Variants in GULP1 observed in about 807,000 individuals in gnomAD.
The protein encoded by GULP1 is PTB domain-containing engulfment adapter protein 1.
Under a neutral mutation model 40.9 loss-of-function variants are expected in GULP1, and 19 were observed. That is an observed-to-expected ratio of 0.46 (90% CI 0.32 to 0.68). The LOEUF (loss-of-function observed/expected upper bound fraction) is 0.68, where lower values mean the gene tolerates loss of function less well. Ranked by LOEUF, GULP1 falls within the 30% of genes least tolerant of loss-of-function variation. The pLI, the probability that GULP1 is intolerant of heterozygous loss-of-function variation, is 0.03. For missense variants in GULP1, 312 were observed against 362.2 expected, an observed-to-expected ratio of 0.86 and a Z score of 1.12; for synonymous variants, 119 against 117.6, an observed-to-expected ratio of 1.01 and a Z score of -0.08.
chr2:188,595,420 TTG>T lies in GULP1; in HGVS notation c.*1415_*1416del, dbSNP rs1464985196. 1 of 152,144 alleles carries T rather than the reference TTG, an allele frequency of 6.6e-6. No individual in the cohort carries two copies. The highest frequency in any genetic ancestry group is 1.5e-5 in the Non-Finnish European group (1 of 67,728). The allele number at this position is 152,144 out of a possible 1,614,324, so 9.4% of individuals were successfully genotyped here. ...TCAAATATGCTTATGCAATATATAT[TTG>T]TGTGTTTTTCCTTAATGTTATATGG... On this transcript the variant is annotated 3_prime_UTR_variant, in exon 12 of 12. Transcript: ENST00000409830.
chr2:188,347,282 C>T (rs888893341), intron 1 of GULP1, among the ~76,000 whole-genome samples: 7 of 152,122 alleles, frequency 4.6e-5, no homozygotes, highest in Admixed American at 2.0e-4. Context: ...GTGTATGTGA[C>T]AGGTAAGTGA....
intron 1 of GULP1, among the ~76,000 whole-genome samples, chr2:188,309,684 A>C (rs1380083032): frequency 6.6e-6 from 1 of 152,136 alleles, no homozygotes; most frequent in African/African-American, 2.4e-5. Flanking sequence ...AGAGAAAAAA[A>C]ATTTTAAGTC....
At chr2:188,559,360 G>A (rs1695651111) in intron 7 of GULP1, among the ~76,000 whole-genome samples, 1 of 152,170 alleles carries the variant, frequency 6.6e-6, no homozygotes. Context: ...GTCAATAATT[G>A]GGGTTTGAGA....
At chr2:188,393,636 T>C (rs1354587624) in intron 2 of GULP1, among the ~76,000 whole-genome samples, 2 of 152,144 alleles carry the variant, frequency 1.3e-5, no homozygotes, top group Non-Finnish European at 1.5e-5. Context: ...CTAGATACTT[T>C]GTTTTCTTCT....
chr2:188,379,650 C>G (rs12989233), intron 1 of GULP1, among the ~76,000 whole-genome samples: 1 of 152,182 alleles, frequency 6.6e-6, no homozygotes, highest in Non-Finnish European at 1.5e-5. Context: ...CCTGTTTAAT[C>G]ATACTTCCAT....
intron 1 of GULP1, among the ~76,000 whole-genome samples, chr2:188,373,898 A>T (rs925586982): frequency 2.0e-5 from 3 of 152,040 alleles, no homozygotes; most frequent in Admixed American, 2.0e-4. Flanking sequence ...TATCACATTT[A>T]TGAAATTGTT....
chr2:188,367,305 G>A (rs60868421), intron 1 of GULP1, among the ~76,000 whole-genome samples: 1 of 152,332 alleles, frequency 6.6e-6, no homozygotes, highest in African/African-American at 2.4e-5. Context: ...CAGGCCAGGT[G>A]CTGGGGATGT....
intron 1 of GULP1, among the ~76,000 whole-genome samples, chr2:188,335,965 A>C (rs1167470021): frequency 6.6e-6 from 1 of 152,232 alleles, no homozygotes; most frequent in Non-Finnish European, 1.5e-5. Flanking sequence ...AAGAGAATAT[A>C]AACTCAGATA....
At chr2:188,310,335 T>C (rs2037874142) in intron 1 of GULP1, among the ~76,000 whole-genome samples, 1 of 152,150 alleles carries the variant, frequency 6.6e-6, no homozygotes, top group African/African-American at 2.4e-5. Flanking sequence ...TAGTCTCGAT[T>C]AGAGAAGATG....
chr2:188,374,112 G>C (rs1378340741), intron 1 of GULP1, among the ~76,000 whole-genome samples: 3 of 151,846 alleles, frequency 2.0e-5, no homozygotes. Context: ...TCTACTGAAG[G>C]CTCATCTGAA....
intron 2 of GULP1, among the ~76,000 whole-genome samples, chr2:188,435,011 CT>C (rs2057274581): frequency 6.6e-6 from 1 of 151,904 alleles, no homozygotes; most frequent in Non-Finnish European, 1.5e-5. Flanking sequence ...CTTACAATAT[CT>C]TTTCTATATT....
intron 1 of GULP1, among the ~76,000 whole-genome samples, chr2:188,367,260 G>A (rs2046931982): frequency 6.6e-6 from 1 of 152,160 alleles, no homozygotes; most frequent in Non-Finnish European, 1.5e-5. Flanking sequence ...GTATTTGTCT[G>A]TGTCTGTGTG....
In GULP1 at chr2:188,499,133, GTGTATATATATATATATATA is replaced by G. The variant is rs1285853386; in HGVS notation, c.90+15643_90+15662del. ...CATATACAAATGCACATATATGTGT[GTGTATATATATATATATATA>G]TATATATATATATATATGAACTCTG... On this transcript the variant is annotated intron_variant, in intron 4 of 11. Coordinates refer to ENST00000409830, the MANE Select transcript of GULP1 (RefSeq NM_016315.4). Among the ~76,000 whole-genome samples, 7 of 120,716 alleles carry G rather than the reference GTGTATATATATATATATATA, an allele frequency of 5.8e-5. No homozygotes were observed. In the East Asian group the frequency reaches 7.2e-4, roughly 12 times the overall value. The allele number at this position is 120,716 out of a possible 152,430, so 79.2% of individuals were successfully genotyped here.
intron 6 of GULP1, among the ~76,000 whole-genome samples, chr2:188,539,114 C>T (rs1689750367): frequency 6.6e-6 from 1 of 151,796 alleles, no homozygotes. Context: ...CTCACGTGTC[C>T]TCCAAATGAA....
At chr2:188,469,397 A>G (rs2060400827) in intron 2 of GULP1, among the ~76,000 whole-genome samples, 1 of 152,200 alleles carries the variant, frequency 6.6e-6, no homozygotes, top group Non-Finnish European at 1.5e-5. Flanking sequence ...GCATTAGTCC[A>G]TTCTCACATT....
intron 1 of GULP1, among the ~76,000 whole-genome samples, chr2:188,339,154 A>G (rs948229887): frequency 2.0e-5 from 3 of 152,152 alleles, no homozygotes; most frequent in Non-Finnish European, 4.4e-5. Flanking sequence ...TTCTTGTTTA[A>G]AGGCCAGTTT....
chr2:188,422,916 C>G (rs2055648725), intron 2 of GULP1, among the ~76,000 whole-genome samples: 1 of 152,122 alleles, frequency 6.6e-6, no homozygotes, highest in East Asian at 1.9e-4. Context: ...ATTTAATTCT[C>G]TGCTCTTTCG....
chr2:188,584,140 A>C (rs1360012863), intron 9 of GULP1, 125 bp from the exon 10 acceptor site: 7 of 625,332 alleles, frequency 1.1e-5, no homozygotes, highest in Middle Eastern at 2.8e-4. Context: ...TTGGTCTACA[A>C]AATGGCAAAT....
At chr2:188,588,673 C>G (rs567970423) in intron 11 of GULP1, 3 of 152,196 alleles carry the variant, frequency 2.0e-5, no homozygotes, top group Admixed American at 6.5e-5. Flanking sequence ...AGAATCCAGA[C>G]AGACACCAAT....
Sources: allele counts gnomAD v4.1 joint callset (sites outside exome capture counted in the v4.1 genomes callset), GRCh38; gene constraint gnomAD v4.1.1; transcripts MANE v1.5; gene names NCBI Gene and HGNC (gene_info 2026-07-23, HGNC 2026-07-21).